PINK1: variants seen among roughly 807,000 people sequenced by gnomAD.
PINK1 encodes PTEN induced kinase 1.
PINK1 carries 58 observed loss-of-function variants against 56.0 expected under a neutral mutation model. The ratio of observed to expected loss-of-function variants is 1.04; its 90% CI spans 0.84 to 1.29. The LOEUF (loss-of-function observed/expected upper bound fraction) is 1.29, where lower values mean the gene tolerates loss of function less well. Among genes scored for constraint, PINK1 ranks in the 50% most tolerant of loss-of-function variants. PINK1 has a pLI of 0.00. For synonymous variants in PINK1, 354 were observed against 339.3 expected, an observed-to-expected ratio of 1.04 and a Z score of -0.48; for missense variants, 745 against 777.9, an observed-to-expected ratio of 0.96 and a Z score of 0.50.
chr1:20,647,908 GT>G (rs2053207244), intron 5 of PINK1, among the ~76,000 whole-genome samples: 1 of 151,854 alleles, frequency 6.6e-6, no homozygotes, highest in Non-Finnish European at 1.5e-5. Flanking sequence ...CACCTCCCAG[GT>G]TCAAGTAATT....
chr1:20,647,089 CT>C (rs1248703501), intron 5 of PINK1, among the ~76,000 whole-genome samples: 2 of 133,402 alleles, frequency 1.5e-5, no homozygotes, highest in Non-Finnish European at 3.1e-5. Flanking sequence ...CTGAGTCTCG[CT>C]CTGTCACCCA....
chr1:20,635,570 C>T (rs1394943708), intron 1 of PINK1, among the ~76,000 whole-genome samples: 1 of 151,612 alleles, frequency 6.6e-6, no homozygotes, highest in Non-Finnish European at 1.5e-5. Flanking sequence ...AATTCTGGGC[C>T]GGGCGGGGTG....
At chr1:20,640,732 G>A (rs974643519) in intron 3 of PINK1, among the ~76,000 whole-genome samples, 1 of 152,172 alleles carries the variant, frequency 6.6e-6, no homozygotes, top group Non-Finnish European at 1.5e-5. Context: ...GGCTATGACA[G>A]AGGAGATACT....
In PINK1 at chr1:20,633,725, C is replaced by T. The variant is rs766471374; in HGVS notation, c.177C>T (p.Val59=). The T allele has an allele frequency of 2.8e-5, 43 of 1,530,998 alleles. No homozygotes were observed. In the African/African-American group the frequency reaches 3.9e-4, roughly 14 times the overall value. The allele number at this position is 1,530,998 out of a possible 1,614,324, so 94.8% of individuals were successfully genotyped here. A position where few individuals can be genotyped will look rare whatever the true frequency, so the allele number is the denominator to read the frequency against. Residue 59 remains valine, a synonymous_variant, in exon 1 of 8, where the codon GTC becomes GTT. Transcript: ENST00000321556. The stretch of plus-strand genomic sequence containing the variant: ...GACCGGGCGCGGAGCCTCGCAGGGT[C>T]GGGCTCGGGCTCCCTAACCGTCTCC... ...AAGPGAEPRR[V]GLGLPNRLRF... is the part of the protein sequence containing the mutation.
intron 4 of PINK1, 68 bp downstream of exon 4, chr1:20,644,740 C>G (rs2053157294): frequency 6.4e-7 from 1 of 1,567,728 alleles, no homozygotes; most frequent in Admixed American, 1.7e-5. Flanking sequence ...TTCCTGCCCT[C>G]CATGTGCACC....
intron 1 of PINK1, among the ~76,000 whole-genome samples, chr1:20,636,216 T>TATAAC (rs1360138269): frequency 1.3e-5 from 2 of 149,624 alleles, no homozygotes; most frequent in Non-Finnish European, 3.0e-5. Flanking sequence ...AATGTGTATA[T>TATAAC]ATATGTATAT....
chr1:20,648,629 A>C lies in PINK1; in HGVS notation c.1248A>C (p.Pro416=). The C allele has an allele frequency of 6.2e-7, 1 of 1,613,796 alleles. No homozygotes were observed. Residue 416 remains proline, a synonymous_variant, in exon 6 of 8, where the codon CCA becomes CCC. Coordinates refer to ENST00000321556, the MANE Select transcript of PINK1 (RefSeq NM_032409.3). Reference sequence around the variant, plus strand: ...GCGGAAACGGCTGTCTGATGGCCCCAGAGGTGAGTCCCGAGTGTGTCATGC... The same window carrying C: ...GCGGAAACGGCTGTCTGATGGCCCCCGAGGTGAGTCCCGAGTGTGTCATGC... ...DRGGNGCLMA[P]EVSTARPGPR...
chr1:20,637,956 G>A lies in PINK1; in HGVS notation c.502G>A (p.Ala168Thr). ...GCAGTCCATTGGTAAGGGCTGCAGT[G>A]CTGCTGTGTATGAAGCCACCATGCC... ...IGQSIGKGCS[A>T]AVYEATMPTL... Residue 168 changes from alanine to threonine, a missense_variant, in exon 2 of 8, where the codon GCT becomes ACT. Coordinates refer to ENST00000321556, the MANE Select transcript of PINK1 (RefSeq NM_032409.3). The A allele has an allele frequency of 6.2e-7, 1 of 1,614,208 alleles. No homozygotes were observed. The highest frequency in any genetic ancestry group is 8.5e-7 in the Non-Finnish European group (1 of 1,180,040).
intron 1 of PINK1, among the ~76,000 whole-genome samples, chr1:20,636,743 G>A (rs1570399151): frequency 1.3e-5 from 2 of 152,292 alleles, no homozygotes; most frequent in Admixed American, 1.3e-4. Flanking sequence ...AGTTGCCATG[G>A]GCTGGGTCAT....
Position 20,642,491 on chromosome 1 carries a change from A to G in PINK1, c.777-1999A>G, listed in dbSNP as rs796656421. Among the ~76,000 whole-genome samples the G allele has an allele frequency of 5.3e-5, 8 of 152,340 alleles. 1 individual carries two copies. Among genetic ancestry groups the G allele is most frequent in the African/African-American group, 1.9e-4 (8 of 41,582 alleles). On this transcript the variant is annotated intron_variant, in intron 3 of 7. Coordinates refer to ENST00000321556, the MANE Select transcript of PINK1 (RefSeq NM_032409.3). ...ATGCCAACTCATGGGTCCCCTGTGC[A>G]GATTTGGGAGGAGTGAGTATGAAAC... is the stretch of plus-strand genomic sequence containing the variant.
chr1:20,643,890 CCTATATATA>C (rs1277588399), intron 3 of PINK1, among the ~76,000 whole-genome samples: 6 of 152,012 alleles, frequency 3.9e-5, no homozygotes, highest in African/African-American at 1.5e-4. Context: ...AGTAACAAAC[CCTATATATA>C]CTGTGTTTTT....
chr1:20,650,463 G>A lies in PINK1; in HGVS notation c.1518G>A (p.Val506=). Residue 506 remains valine (V), a synonymous_variant, in exon 8 of 8, where the codon GTG becomes GTA. Coordinates refer to ENST00000321556, the MANE Select transcript of PINK1 (RefSeq NM_032409.3). ...CATCTGCCCGAGTAGCCGCAAATGT[G>A]CTTCATCTAAGCCTCTGGGGTGAAC... ...KRPSARVAAN[V]LHLSLWGEHI... is the part of the protein sequence containing the mutation. The A allele has an allele frequency of 6.2e-7, 1 of 1,614,050 alleles. No individual in the cohort carries two copies. The highest frequency in any genetic ancestry group is 8.5e-7 in the Non-Finnish European group (1 of 1,179,934).
At chr1:20,644,710 C>T (rs771598213) in intron 4 of PINK1, 38 bp downstream of exon 4, 1 of 1,610,084 alleles carries the variant, frequency 6.2e-7, no homozygotes, top group Admixed American at 1.7e-5. Flanking sequence ...GGAGCTGATA[C>T]ATCTCCCAAG....
chr1:20,650,738 C>T lies in PINK1; in HGVS notation c.*47C>T. Reference sequence around the variant, plus strand: ...AATTACTAAAAGAACATGGCATCCTCTGTGTCGTGATGGTCTGTGAATGGT... The same window carrying T: ...AATTACTAAAAGAACATGGCATCCTTTGTGTCGTGATGGTCTGTGAATGGT... On this transcript the variant is annotated 3_prime_UTR_variant, in exon 8 of 8. Transcript: ENST00000321556. The T allele has an allele frequency of 6.3e-7, 1 of 1,596,296 alleles. No individual in the cohort carries two copies. Among genetic ancestry groups the T allele is most frequent in the South Asian group, 1.1e-5 (1 of 89,528 alleles).
At chr1:20,648,775 T>C in intron 6 of PINK1, 143 bp downstream of exon 6, 2 of 1,451,396 alleles carry the variant, frequency 1.4e-6, no homozygotes, top group South Asian at 2.4e-5. Flanking sequence ...CCTGCCACTT[T>C]GCTTTCCTCC....
intron 2 of PINK1, 105 bp downstream of exon 2, chr1:20,638,234 A>G: frequency 7.3e-7 from 1 of 1,370,538 alleles, no homozygotes; most frequent in South Asian, 1.3e-5. Context: ...AAGACAGATT[A>G]TCCACAGGAA....
At chr1:20,637,640 GA>G (rs2053069500) in intron 1 of PINK1, among the ~76,000 whole-genome samples, 1 of 152,160 alleles carries the variant, frequency 6.6e-6, no homozygotes, top group Admixed American at 6.5e-5. Flanking sequence ...CAGAGTTTGA[GA>G]AAAATCATTC....
intron 5 of PINK1, among the ~76,000 whole-genome samples, 193 bp downstream of exon 5, chr1:20,645,916 C>A (rs918256940): frequency 6.6e-6 from 1 of 152,040 alleles, no homozygotes; most frequent in Non-Finnish European, 1.5e-5. Flanking sequence ...AGAGACAGCA[C>A]TTCCCAAGTT....
At chr1:20,643,698 TAGC>T (rs1408029672) in intron 3 of PINK1, among the ~76,000 whole-genome samples, 2 of 152,212 alleles carry the variant, frequency 1.3e-5, no homozygotes, top group African/African-American at 4.8e-5. Flanking sequence ...GTACAGCTAA[TAGC>T]AGCTGAGAGC....
Sources: gnomAD v4.1 joint callset for allele counts (sites outside exome capture counted in the v4.1 genomes callset) on GRCh38, gnomAD v4.1.1 for gene constraint, MANE v1.5 for transcripts, NCBI Gene and HGNC (gene_info 2026-07-23, HGNC 2026-07-21) for gene names.